STMN4: variants seen among roughly 807,000 people sequenced by gnomAD.
STMN4 encodes stathmin-4.
STMN4 carries 12 observed loss-of-function variants against 29.1 expected under a neutral mutation model. The observed-to-expected ratio is 0.41, with a 90% confidence interval of 0.26 to 0.67. The LOEUF (loss-of-function observed/expected upper bound fraction) is 0.67. STMN4 is among the 30% of genes least tolerant of loss of function. The pLI is 0.30. For missense variants in STMN4, 181 were observed against 262.8 expected, an observed-to-expected ratio of 0.69 and a Z score of 2.15; for synonymous variants, 114 against 105.3, an observed-to-expected ratio of 1.08 and a Z score of -0.51.
chr8:27,243,156 T>TG (rs1429530032), intron 2 of STMN4, among the ~76,000 whole-genome samples: 1 of 152,138 alleles, frequency 6.6e-6, no homozygotes, highest in Admixed American at 6.5e-5. Flanking sequence ...CTCACCGCCT[T>TG]GGGGCCCGTG....
In STMN4 at chr8:27,236,657, A is replaced by C; in HGVS notation, c.*189T>G. The C allele has an allele frequency of 2.2e-6, 1 of 462,320 alleles. No homozygotes were observed. Among genetic ancestry groups the C allele is most frequent in the Non-Finnish European group, 3.7e-6 (1 of 266,722 alleles). 28.6% of individuals were successfully genotyped at this position (462,320 alleles called of 1,614,324 possible). A position where few individuals can be genotyped will look rare whatever the true frequency, so the allele number is the denominator to read the frequency against. On this transcript the variant is annotated 3_prime_UTR_variant, in exon 7 of 7. Transcript: ENST00000350889. ...TCCCACCCCGTCATTGTTCCCCGGAAACAAATAGGATGGCTTCACTGGTCA... is the reference window on the plus strand; with the variant it reads ...TCCCACCCCGTCATTGTTCCCCGGACACAAATAGGATGGCTTCACTGGTCA...
intron 1 of STMN4, among the ~76,000 whole-genome samples, chr8:27,248,681 G>A (rs1801699240): frequency 6.6e-6 from 1 of 152,194 alleles, no homozygotes; most frequent in African/African-American, 2.4e-5. Context: ...TGAGAATGAG[G>A]ACATTGAATC....
intron 6 of STMN4, among the ~76,000 whole-genome samples, chr8:27,238,405 A>G (rs1005136779): frequency 2.6e-5 from 4 of 152,204 alleles, no homozygotes; most frequent in African/African-American, 7.2e-5. Flanking sequence ...TCCCAAAGGG[A>G]TGCTGCCCCC....
In STMN4 at chr8:27,255,257, G is replaced by A. The variant is rs78143975; in HGVS notation, c.-79+3094C>T. ...TAAAAAAAATGGATTTGTTCCCTGA[G>A]TGGCGTTACGAAAATTACACTTTAC... On this transcript the variant is annotated intron_variant, in intron 1 of 6. Transcript: ENST00000350889. 3.2e-3 allele frequency among the ~76,000 whole-genome samples: 486 copies of A among 152,234 alleles called. 1 individual carries two copies. Among genetic ancestry groups the A allele is most frequent in the African/African-American group, 0.011 (474 of 41,542 alleles).
intron 1 of STMN4, among the ~76,000 whole-genome samples, chr8:27,252,121 C>T (rs984577554): frequency 6.6e-6 from 1 of 151,042 alleles, no homozygotes; most frequent in Non-Finnish European, 1.5e-5. Flanking sequence ...TCATCCATGT[C>T]CCTACAAAGG....
chr8:27,253,269 A>T (rs1428057285), intron 1 of STMN4, among the ~76,000 whole-genome samples: 1 of 152,170 alleles, frequency 6.6e-6, no homozygotes, highest in East Asian at 1.9e-4. Flanking sequence ...TTATTCTTTC[A>T]TTCTCCAATG....
At chr8:27,243,329 C>T (rs777683872) in intron 2 of STMN4, among the ~76,000 whole-genome samples, 7 of 152,214 alleles carry the variant, frequency 4.6e-5, no homozygotes, top group Non-Finnish European at 7.3e-5. Flanking sequence ...GTGCCTCAGA[C>T]TCCTGATACT....
chr8:27,257,108 C>A (rs1801963195), intron 1 of STMN4, among the ~76,000 whole-genome samples: 2 of 152,196 alleles, frequency 1.3e-5, no homozygotes, highest in African/African-American at 4.8e-5. Flanking sequence ...GGCAGCATTG[C>A]TGGGAGACTC....
chr8:27,239,565 C>G (rs961714662), intron 6 of STMN4: 5 of 841,270 alleles, frequency 5.9e-6, no homozygotes, highest in African/African-American at 1.7e-5. Flanking sequence ...TCATCATACC[C>G]GTGACTTAGA....
At position 27,241,692 on chromosome 8, in the gene STMN4, C is replaced by T. The variant is rs1468860663; in HGVS notation, c.175G>A (p.Glu59Lys). 1 of 1,614,178 alleles carries T rather than the reference C, an allele frequency of 6.2e-7. No homozygotes were observed. Among genetic ancestry groups the T allele is most frequent in the Non-Finnish European group, 8.5e-7 (1 of 1,180,028 alleles). ...TCCCTCCTACCCTGAGCTCTTCTTT[C>T]TCTCCAGTCAGCACTGTCTTTCCGC... ...SQRKDSADWR[E>K]RRAQADTVDL... Residue 59 changes from glutamate to lysine, a missense_variant, in exon 4 of 7, where the codon GAA becomes AAA. Coordinates refer to ENST00000350889, the MANE Select transcript of STMN4 (RefSeq NM_030795.4).
intron 4 of STMN4, 63 bp downstream of exon 4, chr8:27,241,614 C>G: frequency 6.3e-7 from 1 of 1,594,800 alleles, no homozygotes; most frequent in East Asian, 2.2e-5. Context: ...AGCCCCCGCC[C>G]ACCCCCGGCC....
At chr8:27,237,496 C>T (rs1801343382) in intron 6 of STMN4, among the ~76,000 whole-genome samples, 1 of 152,098 alleles carries the variant, frequency 6.6e-6, no homozygotes. Flanking sequence ...CTCAAATGAC[C>T]CTCCCACCTC....
At chr8:27,237,444 G>T (rs1294328104) in intron 6 of STMN4, among the ~76,000 whole-genome samples, 1 of 152,094 alleles carries the variant, frequency 6.6e-6, no homozygotes, top group East Asian at 1.9e-4. Context: ...AAATAGAGAT[G>T]GGATCTTGCT....
At chr8:27,254,880 A>T (rs1480836804) in intron 1 of STMN4, among the ~76,000 whole-genome samples, 12 of 116,948 alleles carry the variant, frequency 1.0e-4, no homozygotes, top group African/African-American at 3.7e-4. Context: ...TGTGTAGGGG[A>T]TGGAGTGGGA....
At chr8:27,241,575 G>T in intron 4 of STMN4, 102 bp downstream of exon 4, 2 of 1,387,864 alleles carry the variant, frequency 1.4e-6, no homozygotes, top group Non-Finnish European at 2.0e-6. Context: ...TCAATTTGTC[G>T]TCCGTGGTGA....
Position 27,235,495 on chromosome 8 carries a change from C to A in STMN4, c.*1351G>T, listed in dbSNP as rs1801290490. ...CAGCCATGGTTCAGTGTCCTGGAGA[C>A]CAAGACTGCTGGGTCTGGATGCCTC... On this transcript the variant is annotated 3_prime_UTR_variant, in exon 7 of 7. Transcript: ENST00000350889. The A allele has an allele frequency of 6.6e-6, 1 of 152,256 alleles. No individual in the cohort carries two copies. The highest frequency in any genetic ancestry group is 6.5e-5 in the Admixed American group (1 of 15,288). The allele number at this position is 152,256 out of a possible 1,614,324, so 9.4% of individuals were successfully genotyped here.
At chr8:27,238,211 T>G (rs1283935557) in intron 6 of STMN4, among the ~76,000 whole-genome samples, 2 of 152,192 alleles carry the variant, frequency 1.3e-5, no homozygotes, top group African/African-American at 4.8e-5. Context: ...GTATCTGTAT[T>G]TTTTAATTTT....
intron 1 of STMN4, among the ~76,000 whole-genome samples, chr8:27,257,448 A>T (rs1586026863): frequency 8.4e-6 from 1 of 119,128 alleles, no homozygotes; most frequent in Non-Finnish European, 1.7e-5. Context: ...TCTCCCTCCG[A>T]CCCCCATACA....
chr8:27,244,342 G>C (rs1486332717), intron 1 of STMN4, among the ~76,000 whole-genome samples: 1 of 152,346 alleles, frequency 6.6e-6, no homozygotes, highest in East Asian at 1.9e-4. Flanking sequence ...ACTGACCTAA[G>C]CTGTGTTTGA....
Sources: gnomAD v4.1 joint callset for allele counts (sites outside exome capture counted in the v4.1 genomes callset) on GRCh38, gnomAD v4.1.1 for gene constraint, MANE v1.5 for transcripts, NCBI Gene and HGNC (gene_info 2026-07-23, HGNC 2026-07-21) for gene names.